Variants in USP40 observed in about 807,000 individuals in gnomAD.
The protein encoded by USP40 is ubiquitin carboxyl-terminal hydrolase 40.
A neutral mutation model predicts 166.2 loss-of-function variants in USP40; 143 were observed. The ratio of observed to expected loss-of-function variants is 0.86; its 90% CI spans 0.75 to 0.99. USP40 has a LOEUF of 0.99. Ranked by LOEUF, USP40 falls within the 50% of genes least tolerant of loss-of-function variation. The pLI is 0.00. For synonymous variants in USP40, 498 were observed against 524.0 expected, an observed-to-expected ratio of 0.95 and a Z score of 0.68; for missense variants, 1,444 against 1,479.7, an observed-to-expected ratio of 0.98 and a Z score of 0.40.
chr2:233,492,271 T>C (rs2065395553), intron 25 of USP40, among the ~76,000 whole-genome samples: 1 of 152,198 alleles, frequency 6.6e-6, no homozygotes, highest in Non-Finnish European at 1.5e-5. Flanking sequence ...CCACATAGCC[T>C]AGGTGTGTAG....
chr2:233,507,693 G>GT (rs1424002939), intron 21 of USP40, among the ~76,000 whole-genome samples: 1 of 151,830 alleles, frequency 6.6e-6, no homozygotes, highest in East Asian at 1.9e-4. Flanking sequence ...AGGGGGAGAT[G>GT]TAAGGGGAGG....
At position 233,510,273 on chromosome 2, in the gene USP40, C is replaced by T. The variant is rs112698724; in HGVS notation, c.2527-138G>A. ...AATCTCAATTTATATGAAAATACGACTATGATTAATGTTACAATTTAAGCA... is the reference window on the plus strand; with the variant it reads ...AATCTCAATTTATATGAAAATACGATTATGATTAATGTTACAATTTAAGCA... On this transcript the variant is annotated intron_variant, in intron 20 of 31. Coordinates refer to ENST00000678225, the MANE Select transcript of USP40 (RefSeq NM_001365479.2). The T allele has an allele frequency of 1.7e-3, 1,067 of 632,168 alleles. 13 individuals carry two copies. The African/African-American group carries it at 0.017, about 10-fold the overall frequency. 39.2% of individuals were successfully genotyped at this position (632,168 alleles called of 1,614,324 possible).
chr2:233,549,574 G>A (rs904852331), intron 7 of USP40, among the ~76,000 whole-genome samples: 1 of 152,046 alleles, frequency 6.6e-6, no homozygotes, highest in Non-Finnish European at 1.5e-5. Context: ...TTTTTAGCAA[G>A]AGAAACCCAT....
chr2:233,547,363 T>C (rs889309334), intron 8 of USP40, among the ~76,000 whole-genome samples: 1 of 152,198 alleles, frequency 6.6e-6, no homozygotes, highest in Non-Finnish European at 1.5e-5. Context: ...TTACAGAACA[T>C]GTATCTCTCA....
chr2:233,551,957 T>C (rs978357933), intron 6 of USP40, among the ~76,000 whole-genome samples: 7 of 152,120 alleles, frequency 4.6e-5, no homozygotes, highest in Admixed American at 4.6e-4. Flanking sequence ...TACATGCATA[T>C]GTATTTTTCT....
intron 1 of USP40, among the ~76,000 whole-genome samples, 194 bp downstream of exon 1, chr2:233,566,490 C>A (rs937256716): frequency 4.3e-4 from 65 of 152,350 alleles, no homozygotes; most frequent in African/African-American, 1.5e-3. Flanking sequence ...GCCCTCCAAG[C>A]CACCACAGGC....
chr2:233,541,112 G>A (rs545961335), intron 9 of USP40, among the ~76,000 whole-genome samples: 6 of 152,144 alleles, frequency 3.9e-5, no homozygotes, highest in Non-Finnish European at 8.8e-5. Context: ...GAAGAGATAC[G>A]TAAGTACAAA....
Position 233,556,926 on chromosome 2 carries a change from A to T in USP40, c.475T>A (p.Tyr159Asn), listed in dbSNP as rs79471829. Reference protein sequence around the residue: ...LVGTSGHDLIYRLYHGTIVNQ... With the variant: ...LVGTSGHDLINRLYHGTIVNQ... ...ACAATGGTTCCATGGTACAGACGATAGATGAGGTCATGACCGGAGGTCCCA... is the reference window on the plus strand; with the variant it reads ...ACAATGGTTCCATGGTACAGACGATTGATGAGGTCATGACCGGAGGTCCCA... The change falls in exon 5 of 32, where the codon TAT becomes AAT. Residue 159 changes from tyrosine (Y) to asparagine (N), a missense_variant. Physicochemically the swap from Tyr to Asn is moderately radical, Grantham distance 143. Coordinates refer to ENST00000678225, the MANE Select transcript of USP40 (RefSeq NM_001365479.2). 4.4e-3 allele frequency: 7,094 copies of T among 1,613,998 alleles called. 150 individuals carry two copies. In the East Asian group the frequency reaches 0.061, roughly 14 times the overall value.
Position 233,519,675 on chromosome 2 carries a change from A to G in USP40, c.2326-4T>C. The G allele has an allele frequency of 7.2e-7, 1 of 1,388,958 alleles. No homozygotes were observed. Among genetic ancestry groups the G allele is most frequent in the Non-Finnish European group, 9.9e-7 (1 of 1,014,500 alleles). 86.0% of individuals were successfully genotyped at this position (1,388,958 alleles called of 1,614,324 possible). Reference sequence around the variant, plus strand: ...TAATTCGAATATCAAACACCATCTAAAACAGAGAAATAAAATAATGACTAA... The same window carrying G: ...TAATTCGAATATCAAACACCATCTAGAACAGAGAAATAAAATAATGACTAA... On this transcript the variant is annotated splice_polypyrimidine_tract_variant and splice_region_variant and intron_variant, in intron 17 of 31. Coordinates refer to ENST00000678225, the MANE Select transcript of USP40 (RefSeq NM_001365479.2).
Position 233,485,596 on chromosome 2 carries a change from T to C in USP40, c.3439A>G (p.Lys1147Glu), listed in dbSNP as rs1429085122. The C allele has an allele frequency of 1.2e-6, 2 of 1,613,952 alleles. No homozygotes were observed. Among genetic ancestry groups the C allele is most frequent in the Admixed American group, 3.3e-5 (2 of 60,018 alleles). The change falls in exon 30 of 32, where the codon AAA becomes GAA. Residue 1147 changes from lysine (K) to glutamate (E), a missense_variant. Transcript: ENST00000678225. ...GCCCCTTGCAAATAATCTTGTTTTT[T>C]TTTCTTTTTCCTCTTGGTTATTTGT... Reference protein sequence around the residue: ...NQQITKRKKKKKQDYLQGAPY... With the variant: ...NQQITKRKKKEKQDYLQGAPY...
chr2:233,535,943 A>G (rs2068905198), intron 10 of USP40, among the ~76,000 whole-genome samples: 1 of 152,204 alleles, frequency 6.6e-6, no homozygotes, highest in Non-Finnish European at 1.5e-5. Flanking sequence ...TGTTCATTAG[A>G]TTTTTCTGTA....
At chr2:233,490,310 C>A (rs1248050924) in intron 26 of USP40, among the ~76,000 whole-genome samples, 1 of 151,680 alleles carries the variant, frequency 6.6e-6, no homozygotes, top group Admixed American at 6.6e-5. Context: ...TTACAGGTGC[C>A]TGCCACCGTG....
At position 233,556,896 on chromosome 2, in the gene USP40, G is replaced by A; in HGVS notation, c.505C>T (p.Gln169Ter). The part of the protein sequence containing the change: ...YRLYHGTIVN[Q>*]IVCKECKNVS... ...TTCTTACATTCTTTACAAACAATCT[G>A]GTTAACAATGGTTCCATGGTACAGA... Residue 169 changes from glutamine to a stop codon, truncating the protein, a stop_gained, in exon 5 of 32, where the codon CAG (glutamine) becomes TAG (stop). Transcript: ENST00000678225. LOFTEE classifies it high-confidence loss of function. 1 of 1,613,276 alleles carries A rather than the reference G, an allele frequency of 6.2e-7. No homozygotes were observed. Among genetic ancestry groups the A allele is most frequent in the Non-Finnish European group, 8.5e-7 (1 of 1,179,740 alleles).
intron 21 of USP40, among the ~76,000 whole-genome samples, chr2:233,506,740 CAAAAAAAAA>C (rs1227656570): frequency 5.6e-5 from 3 of 53,848 alleles, no homozygotes; most frequent in African/African-American, 5.1e-5. Flanking sequence ...ACCGAAAATA[CAAAAAAAAA>C]AAAAAAAAAA....
intron 4 of USP40, 38 bp downstream of exon 4, chr2:233,559,773 T>G: frequency 7.0e-7 from 1 of 1,432,298 alleles, no homozygotes. Flanking sequence ...CTTTCCTCTA[T>G]TGCTGGTAAC....
At chr2:233,533,098 T>A (rs546248149) in intron 11 of USP40, among the ~76,000 whole-genome samples, 84 of 151,706 alleles carry the variant, frequency 5.5e-4, no homozygotes, top group Non-Finnish European at 2.7e-4. Context: ...AAGGAGAAGA[T>A]ATAAAAATAA....
intron 6 of USP40, among the ~76,000 whole-genome samples, chr2:233,553,608 C>T (rs889112429): frequency 6.6e-6 from 1 of 152,110 alleles, no homozygotes; most frequent in Non-Finnish European, 1.5e-5. Context: ...GAAAATAACA[C>T]CAGGGAGGTG....
intron 10 of USP40, among the ~76,000 whole-genome samples, chr2:233,535,146 T>G (rs999931061): frequency 3.3e-5 from 5 of 152,158 alleles, no homozygotes; most frequent in African/African-American, 9.6e-5. Context: ...AGAGGCGAGA[T>G]CCCACGAAGG....
chr2:233,477,521 C>T lies in USP40; in HGVS notation c.3600-18G>A, dbSNP rs2064246067. On this transcript the variant is annotated intron_variant, in intron 31 of 31. Coordinates refer to ENST00000678225, the MANE Select transcript of USP40 (RefSeq NM_001365479.2). ...CTTCTTGGCTGCAGAGACACAGACA[C>T]TGTCATTGACTCATGGATGCAGTGG... 6.2e-7 allele frequency: 1 copy of T among 1,604,666 alleles called. No homozygotes were observed. Among genetic ancestry groups the T allele is most frequent in the South Asian group, 1.1e-5 (1 of 90,440 alleles).
Sources: allele counts gnomAD v4.1 joint callset (sites outside exome capture counted in the v4.1 genomes callset), GRCh38; gene constraint gnomAD v4.1.1; transcripts MANE v1.5; gene names NCBI Gene and HGNC (gene_info 2026-07-23, HGNC 2026-07-21).